FRMD4A: variants seen among roughly 807,000 people sequenced by gnomAD.
The protein encoded by FRMD4A is FERM domain-containing protein 4A.
FRMD4A carries 29 observed loss-of-function variants against 129.1 expected under a neutral mutation model. That is an observed-to-expected ratio of 0.22 (90% confidence interval 0.17 to 0.31). The LOEUF (loss-of-function observed/expected upper bound fraction) is 0.31, where lower values mean the gene tolerates loss of function less well. Among genes scored for constraint, FRMD4A ranks in the 10% least tolerant of loss-of-function variants. The pLI is 1.00. For synonymous variants in FRMD4A, 634 were observed against 571.6 expected (o/e 1.11, Z -1.56); for missense variants, 1,272 against 1,375.8 (o/e 0.92, Z 1.19).
At chr10:14,179,802 G>C (rs1841852186) in intron 2 of FRMD4A, among the ~76,000 whole-genome samples, 1 of 152,232 alleles carries the variant, frequency 6.6e-6, no homozygotes, top group African/African-American at 2.4e-5. Flanking sequence ...GGGAGGCCGA[G>C]GCAGGCAGAT....
chr10:13,976,873 T>C (rs1422976131), intron 2 of FRMD4A, among the ~76,000 whole-genome samples: 1 of 152,230 alleles, frequency 6.6e-6, no homozygotes, highest in Non-Finnish European at 1.5e-5. Flanking sequence ...AGTCAGCTAC[T>C]AGTGCAAATA....
Position 14,090,486 on chromosome 10 carries a change from C to A in FRMD4A, c.46-231574G>T, listed in dbSNP as rs1481689929. On this transcript the variant is annotated intron_variant, in intron 2 of 24. Transcript: ENST00000357447. ...TGGGCATCATGGAAACAGCACTTTG[C>A]AGGCACCTGAGTGAAGCACAGGAAG... Among the ~76,000 whole-genome samples, 4 of 152,292 alleles carry A rather than the reference C, an allele frequency of 2.6e-5. No individual in the cohort carries two copies. The South Asian group carries it at 6.2e-4, about 24-fold the overall frequency.
In FRMD4A at chr10:13,990,157, G is replaced by C. The variant is rs540909453; in HGVS notation, c.46-131245C>G. 5.3e-5 allele frequency among the ~76,000 whole-genome samples: 8 copies of C among 152,328 alleles called. No individual in the cohort carries two copies. The South Asian group carries it at 1.7e-3, about 32-fold the overall frequency. On this transcript the variant is annotated intron_variant, in intron 2 of 24. Transcript: ENST00000357447. ...TTCTAGAAAGTGGGGTTAGGAATAA[G>C]AGCCAACCTCAAAGGGCTGCTCTGA...
chr10:14,014,511 C>T (rs2095692053), intron 2 of FRMD4A, among the ~76,000 whole-genome samples: 1 of 152,200 alleles, frequency 6.6e-6, no homozygotes, highest in African/African-American at 2.4e-5. Context: ...ATTACCTCCC[C>T]ACCCAGCTAT....
intron 2 of FRMD4A, among the ~76,000 whole-genome samples, chr10:13,951,929 T>TAATAAA (rs1554984653): frequency 0.013 from 1,865 of 145,916 alleles, 14 homozygotes; most frequent in Non-Finnish European, 0.018. Context: ...ATAATAATAA[T>TAATAAA]AAACAATCTA....
chr10:13,812,215 C>T (rs2093461766), intron 3 of FRMD4A, among the ~76,000 whole-genome samples: 1 of 152,280 alleles, frequency 6.6e-6, no homozygotes, highest in African/African-American at 2.4e-5. Context: ...TGGGTACTGC[C>T]ATGGACTGAA....
At chr10:13,983,889 G>C (rs10906560) in intron 2 of FRMD4A, among the ~76,000 whole-genome samples, 56,965 of 151,606 alleles carry the variant, frequency 0.38, 13,842 homozygotes, top group Non-Finnish European at 0.55. Flanking sequence ...TATAATCCCA[G>C]CTACTCGGGA....
chr10:14,238,887 T>A (rs1255700166), intron 2 of FRMD4A, among the ~76,000 whole-genome samples: 3 of 152,248 alleles, frequency 2.0e-5, no homozygotes, highest in Non-Finnish European at 4.4e-5. Flanking sequence ...GGCTGCATAG[T>A]ATTCCATGGT....
At chr10:14,053,707 C>T (rs1326777317) in intron 2 of FRMD4A, among the ~76,000 whole-genome samples, 1 of 152,054 alleles carries the variant, frequency 6.6e-6, no homozygotes, top group African/African-American at 2.4e-5. Context: ...TGTTATGGCC[C>T]CCATCCACCT....
intron 15 of FRMD4A, among the ~76,000 whole-genome samples, chr10:13,677,761 C>G (rs1435388963): frequency 6.6e-6 from 1 of 152,222 alleles, no homozygotes; most frequent in Non-Finnish European, 1.5e-5. Flanking sequence ...AGTCACCAAT[C>G]ACATCTGAAG....
At chr10:14,229,270 T>C (rs1333819681) in intron 2 of FRMD4A, among the ~76,000 whole-genome samples, 2 of 152,150 alleles carry the variant, frequency 1.3e-5, no homozygotes, top group African/African-American at 4.8e-5. Context: ...AAATAAAGCA[T>C]TGACCACATA....
At chr10:13,711,644 A>G (rs2088032250) in intron 12 of FRMD4A, among the ~76,000 whole-genome samples, 1 of 152,262 alleles carries the variant, frequency 6.6e-6, no homozygotes, top group Admixed American at 6.5e-5. Flanking sequence ...AGTTCTACCA[A>G]TAATCAAAGA....
At chr10:14,152,160 C>A (rs1047497900) in intron 2 of FRMD4A, among the ~76,000 whole-genome samples, 1 of 117,468 alleles carries the variant, frequency 8.5e-6, no homozygotes, top group Non-Finnish European at 1.6e-5. Context: ...CATAGTCTCG[C>A]TCTGTCGCCC....
chr10:14,183,906 G>A (rs890223478), intron 2 of FRMD4A, among the ~76,000 whole-genome samples: 1 of 152,118 alleles, frequency 6.6e-6, no homozygotes, highest in East Asian at 1.9e-4. Context: ...TTTGTGAACA[G>A]TATTGACTTT....
At chr10:14,309,383 G>A (rs1329257243) in intron 2 of FRMD4A, among the ~76,000 whole-genome samples, 1 of 152,104 alleles carries the variant, frequency 6.6e-6, no homozygotes, top group Non-Finnish European at 1.5e-5. Flanking sequence ...CAAGGAGGTC[G>A]AGGCTGCAGT....
intron 2 of FRMD4A, among the ~76,000 whole-genome samples, chr10:14,070,456 G>T (rs961490749): frequency 2.0e-5 from 3 of 152,096 alleles, no homozygotes; most frequent in African/African-American, 4.8e-5. Flanking sequence ...GGTTTAGAAA[G>T]TCAGCCCATT....
At chr10:14,102,349 A>C (rs1305971059) in intron 2 of FRMD4A, among the ~76,000 whole-genome samples, 1 of 152,242 alleles carries the variant, frequency 6.6e-6, no homozygotes, top group African/African-American at 2.4e-5. Context: ...CACCATAGTG[A>C]AACCCCATCT....
chr10:13,738,226 T>G lies in FRMD4A; in HGVS notation c.673-296A>C, dbSNP rs573009397. Among the ~76,000 whole-genome samples, 14 of 152,008 alleles carry G rather than the reference T, an allele frequency of 9.2e-5. No individual in the cohort carries two copies. In the South Asian group the frequency reaches 1.5e-3, roughly 16 times the overall value. ...TAAGGAATGAATGCCCTGCTTGCGC[T>G]CTCTCTCTCTCTTTTTTTTCCTTCT... On this transcript the variant is annotated intron_variant, in intron 11 of 24. Coordinates refer to ENST00000357447, the MANE Select transcript of FRMD4A (RefSeq NM_018027.5).
intron 8 of FRMD4A, among the ~76,000 whole-genome samples, chr10:13,757,151 G>A (rs1216132076): frequency 3.3e-5 from 5 of 152,138 alleles, no homozygotes; most frequent in Non-Finnish European, 7.4e-5. Flanking sequence ...AAACTGCATC[G>A]GTTCTTGTCT....
Sources: allele counts gnomAD v4.1 joint callset (sites outside exome capture counted in the v4.1 genomes callset), GRCh38; gene constraint gnomAD v4.1.1; transcripts MANE v1.5; gene names NCBI Gene and HGNC (gene_info 2026-07-23, HGNC 2026-07-21).